PLIN5: variants seen among roughly 807,000 people sequenced by gnomAD.
The protein encoded by PLIN5 is perilipin 5.
Under a neutral mutation model 32.8 loss-of-function variants are expected in PLIN5, and 34 were observed. The observed-to-expected ratio is 1.04, with a 90% CI of 0.79 to 1.38. The LOEUF is 1.38. Ranked by LOEUF, PLIN5 falls within the 40% of genes most tolerant of loss-of-function variation. The probability of loss-of-function intolerance (pLI) is 0.00; values close to 1 mark genes in which losing one functional copy is unlikely to be tolerated. For synonymous variants in PLIN5, 309 were observed against 292.9 expected (o/e 1.05, Z -0.56); for missense variants, 712 against 660.5 (o/e 1.08, Z -0.85).
chr19:4,532,699 T>G (rs1976902045), intron 2 of PLIN5: 3 of 152,324 alleles, frequency 2.0e-5, no homozygotes, highest in Admixed American at 2.0e-4. Context: ...AGACAAGGTC[T>G]TGCTCTGTTG....
intron 1 of PLIN5, chr19:4,534,357 C>T (rs1568247190): frequency 2.1e-6 from 1 of 468,712 alleles, no homozygotes; most frequent in Non-Finnish European, 3.8e-6. Context: ...GGTTCAAATG[C>T]TACCATTAAT....
At chr19:4,532,008 A>G (rs1209329480) in intron 2 of PLIN5, among the ~76,000 whole-genome samples, 186 bp from the exon 3 acceptor site, 3 of 152,240 alleles carry the variant, frequency 2.0e-5, no homozygotes, top group Non-Finnish European at 4.4e-5. Flanking sequence ...TCCTGCACTC[A>G]CAGGCTCCTC....
Position 4,523,483 on chromosome 19 carries a change from G to A in PLIN5, c.*45C>T. The stretch of plus-strand genomic sequence containing the variant: ...GGCCACCAGGGGGCAGCAGGGATCG[G>A]GGTGTGCAGGTGGCCTTTCCTCCCC... On this transcript the variant is annotated 3_prime_UTR_variant, in exon 8 of 8. Transcript: ENST00000381848. This position sits in a 1 kb window ranked among gnomAD's most constrained non-coding sequence, Gnocchi z 5.0. The A allele has an allele frequency of 3.3e-6, 5 of 1,513,362 alleles. No homozygotes were observed. Among genetic ancestry groups the A allele is most frequent in the Non-Finnish European group, 4.4e-6 (5 of 1,127,682 alleles). 93.7% of individuals were successfully genotyped at this position (1,513,362 alleles called of 1,614,324 possible). A position where few individuals can be genotyped will look rare whatever the true frequency, so the allele number is the denominator to read the frequency against.
At position 4,523,697 on chromosome 19, in the gene PLIN5, G is replaced by A. The variant is rs141998895; in HGVS notation, c.1223C>T (p.Ala408Val). The A allele has an allele frequency of 1.4e-3, 2,264 of 1,605,158 alleles. 4 individuals are homozygous for A. The highest frequency in any genetic ancestry group is 1.7e-3 in the Non-Finnish European group (2,030 of 1,179,654). The part of the protein sequence containing the change: ...EVIGGPDPRW[A>V]HLDWPAQQRA... ...CTGCTGGGCCGGCCAGTCCAGGTGC[G>A]CCCAGCGGGGGTCAGGGCCCCCGAT... Residue 408 changes from alanine (A) to valine (V), a missense_variant, in exon 8 of 8, where the codon GCG (alanine) becomes GTG (valine). Physicochemically the swap from Ala to Val is moderately conservative, Grantham distance 64 (BLOSUM62 0). Coordinates refer to ENST00000381848, the MANE Select transcript of PLIN5 (RefSeq NM_001013706.3). This position sits in a 1 kb window ranked among gnomAD's most constrained non-coding sequence, Gnocchi z 5.0.
chr19:4,527,538 C>CAAAAAAAAAAAAAAA (rs1176219746), intron 5 of PLIN5, among the ~76,000 whole-genome samples: 1 of 29,682 alleles, frequency 3.4e-5, no homozygotes, highest in Non-Finnish European at 6.2e-5. Context: ...GACTCCACTT[C>CAAAAAAAAAAAAAAA]AAAAAAAAAA....
intron 1 of PLIN5, chr19:4,534,399 CAG>C: frequency 3.1e-6 from 1 of 319,186 alleles, no homozygotes; most frequent in Non-Finnish European, 5.8e-6. Flanking sequence ...TTTTTAAAGA[CAG>C]AATCTCTCTC....
intron 7 of PLIN5, 41 bp downstream of exon 7, chr19:4,524,922 G>A (rs1382241263): frequency 2.6e-5 from 39 of 1,493,432 alleles, no homozygotes; most frequent in Non-Finnish European, 3.4e-5. Flanking sequence ...TCCGCGGCCT[G>A]GTGGCAGACA....
In PLIN5 at chr19:4,534,050, T is replaced by G; in HGVS notation, c.25A>C (p.Ile9Leu). ...TGCTCCCACACACTGGATCTGGGGA[T>G]CTGAGCCGCCTCTTCTTCAGACATC... is the stretch of plus-strand genomic sequence containing the variant. MSEEEAAQ[I>L]PRSSVWEQDQ... The change falls in exon 2 of 8, where the codon ATC (isoleucine) becomes CTC (leucine). Residue 9 changes from isoleucine to leucine, a missense_variant. Ile to Leu is a conservative substitution (Grantham distance 5, BLOSUM62 2). Coordinates refer to ENST00000381848, the MANE Select transcript of PLIN5 (RefSeq NM_001013706.3). 1 of 1,613,390 alleles carries G rather than the reference T, an allele frequency of 6.2e-7. No individual in the cohort carries two copies. Among genetic ancestry groups the G allele is most frequent in the Non-Finnish European group, 8.5e-7 (1 of 1,179,716 alleles).
At chr19:4,528,461 T>C (rs1373993487) in intron 5 of PLIN5, 1 of 151,122 alleles carries the variant, frequency 6.6e-6, no homozygotes, top group African/African-American at 2.4e-5. Context: ...TGGGCTGGAG[T>C]GCAATAGCGC....
Position 4,525,044 on chromosome 19 carries a change from G to A in PLIN5, c.753C>T (p.Thr251=), listed in dbSNP as rs773562493. The A allele has an allele frequency of 6.1e-5, 88 of 1,452,052 alleles. No homozygotes were observed. Among genetic ancestry groups the A allele is most frequent in the Admixed American group, 8.4e-5 (3 of 35,574 alleles). 89.9% of individuals were successfully genotyped at this position (1,452,052 alleles called of 1,614,324 possible). A position where few individuals can be genotyped will look rare whatever the true frequency, so the allele number is the denominator to read the frequency against. The change falls in exon 7 of 8, where the codon ACC becomes ACT. Residue 251 remains threonine, a synonymous_variant. Coordinates refer to ENST00000381848, the MANE Select transcript of PLIN5 (RefSeq NM_001013706.3). The surrounding 1 kb of genome is among the most constrained non-coding windows in gnomAD (Gnocchi z 5.6). ...IDHMQCGVTP[T]APACPGKVHE... is the part of the protein sequence containing the mutation. Reference sequence around the variant, plus strand: ...GCACCTTCCCAGGGCAGGCCGGGGCGGTGGGGGTCACCCCACACTGCATGT... The same window carrying A: ...GCACCTTCCCAGGGCAGGCCGGGGCAGTGGGGGTCACCCCACACTGCATGT...
At chr19:4,534,344 C>T (rs1976922754) in intron 1 of PLIN5, 3 of 501,454 alleles carry the variant, frequency 6.0e-6, no homozygotes, top group South Asian at 3.2e-5. Context: ...TGAGAAAGAC[C>T]TGGGTTCAAA....
chr19:4,527,162 A>G (rs1360082172), intron 5 of PLIN5, among the ~76,000 whole-genome samples: 1 of 151,096 alleles, frequency 6.6e-6, no homozygotes, highest in African/African-American at 2.4e-5. Context: ...TGCAAGCTTC[A>G]CCTCCCAGGT....
chr19:4,526,458 T>C (rs573835751), intron 5 of PLIN5, among the ~76,000 whole-genome samples: 19 of 152,142 alleles, frequency 1.2e-4, no homozygotes, highest in Non-Finnish European at 2.1e-4. Flanking sequence ...CTGAGCTCAA[T>C]TGATCCGCCT....
At chr19:4,529,945 G>A in intron 3 of PLIN5, 79 bp from the exon 4 acceptor site, 2 of 868,842 alleles carry the variant, frequency 2.3e-6, no homozygotes, top group Non-Finnish European at 3.6e-6. Context: ...GTAGAAGGAG[G>A]GAATGCTAGA....
At position 4,523,957 on chromosome 19, in the gene PLIN5, G is replaced by A. The variant is rs1330454473; in HGVS notation, c.963C>T (p.Arg321=). The A allele has an allele frequency of 6.5e-7, 1 of 1,529,192 alleles. No homozygotes were observed. The highest frequency in any genetic ancestry group is 8.7e-7 in the Non-Finnish European group (1 of 1,145,326). The allele number at this position is 1,529,192 out of a possible 1,614,324, so 94.7% of individuals were successfully genotyped here. A position where few individuals can be genotyped will look rare whatever the true frequency, so the allele number is the denominator to read the frequency against. ...AGGCGGTCTGCAGGGCATCCACACT[G>A]CGCCGCACCTCAGCCACCTTCTCCT... The part of the protein sequence containing the change: ...GAQEKVAEVR[R]SVDALQTAFA... Residue 321 remains arginine (R), a synonymous_variant, in exon 8 of 8, where the codon CGC becomes CGT. Coordinates refer to ENST00000381848, the MANE Select transcript of PLIN5 (RefSeq NM_001013706.3). The surrounding 1 kb of genome is among the most constrained non-coding windows in gnomAD (Gnocchi z 5.0).
Position 4,525,482 on chromosome 19 carries a change from G to GGTCCCCCAGCCCTGA in PLIN5, c.720+136_720+150dup. The GGTCCCCCAGCCCTGA allele has an allele frequency of 1.0e-6, 1 of 956,236 alleles. No individual in the cohort carries two copies. The highest frequency in any genetic ancestry group is 1.5e-6 in the Non-Finnish European group (1 of 657,654). 59.2% of individuals were successfully genotyped at this position (956,236 alleles called of 1,614,324 possible). ...ACATCCCTGGGCTCCTCCAGGCCCG[G>GGTCCCCCAGCCCTGA]GTCCCCCAGCCCTGAACACATGCAG... is the stretch of plus-strand genomic sequence containing the variant. On this transcript the variant is annotated intron_variant, in intron 6 of 7. Coordinates refer to ENST00000381848, the MANE Select transcript of PLIN5 (RefSeq NM_001013706.3). The surrounding 1 kb of genome is among the most constrained non-coding windows in gnomAD (Gnocchi z 5.6).
At chr19:4,529,436 C>T (rs1484126033) in intron 4 of PLIN5, 183 bp from the exon 5 acceptor site, 6 of 619,718 alleles carry the variant, frequency 9.7e-6, no homozygotes, top group South Asian at 2.1e-5. Context: ...GAGTTAACTG[C>T]CCTTACTAGC....
rs376661482 is a variant in PLIN5, at chr19:4,529,881, G to T, written c.257-15C>A. 3 of 1,574,844 alleles carry T rather than the reference G, an allele frequency of 1.9e-6. No homozygotes were observed. The highest frequency in any genetic ancestry group is 2.6e-6 in the Non-Finnish European group (3 of 1,151,806). ...CATAGTGGCCACTGAAGGGAGAGAG[G>T]CGGGGAGTGAGACTCGGGGAGACGC... On this transcript the variant is annotated splice_polypyrimidine_tract_variant and intron_variant, in intron 3 of 7. Transcript: ENST00000381848.
chr19:4,533,951 T>A, intron 2 of PLIN5, 64 bp downstream of exon 2: 1 of 1,555,380 alleles, frequency 6.4e-7, no homozygotes, highest in Non-Finnish European at 8.8e-7. Flanking sequence ...CCTGAAACGC[T>A]CCTAGAAGGG....
Sources: allele counts gnomAD v4.1 joint callset (sites outside exome capture counted in the v4.1 genomes callset), GRCh38; gene constraint gnomAD v4.1.1; non-coding constraint Gnocchi (gnomAD v3.1); transcripts MANE v1.5; gene names NCBI Gene and HGNC (gene_info 2026-07-23, HGNC 2026-07-21).